TAF15: variants seen among roughly 807,000 people sequenced by gnomAD.
TAF15 encodes TATA-box binding protein associated factor 15, also known as TATA-binding protein-associated factor 2N.
A neutral mutation model predicts 102.5 loss-of-function variants in TAF15; 37 were observed. The observed-to-expected ratio is 0.36, with a 90% CI of 0.28 to 0.47. The LOEUF is 0.47. Among genes scored for constraint, TAF15 ranks in the 20% least tolerant of loss-of-function variants. TAF15 has a pLI of 0.99. For synonymous variants in TAF15, 273 were observed against 259.2 expected (o/e 1.05, Z -0.51); for missense variants, 652 against 760.7 (o/e 0.86, Z 1.68).
chr17:35,827,594 T>C (rs2087347002), intron 7 of TAF15, among the ~76,000 whole-genome samples: 1 of 151,870 alleles, frequency 6.6e-6, no homozygotes, highest in African/African-American at 2.4e-5. Flanking sequence ...TAATCCCAGC[T>C]ACTCGGGAGG....
Position 35,845,115 on chromosome 17 carries a change from A to G in TAF15, c.1739+77A>G, listed in dbSNP as rs554594790. 6 of 1,584,952 alleles carry G rather than the reference A, an allele frequency of 3.8e-6. No homozygotes were observed. The East Asian group carries it at 1.1e-4, about 30-fold the overall frequency. The stretch of plus-strand genomic sequence containing the variant: ...GGGGGATTTGAACCACATTTTAACA[A>G]TTTTTTGGAACTTGAATTTCCCATT... On this transcript the variant is annotated intron_variant, in intron 15 of 15. Transcript: ENST00000605844.
chr17:35,819,974 C>T, intron 2 of TAF15, 50 bp from the exon 3 acceptor site: 1 of 1,566,526 alleles, frequency 6.4e-7, no homozygotes, highest in Non-Finnish European at 8.8e-7. Flanking sequence ...TTCATTTAAA[C>T]TTTAAAATTT....
intron 11 of TAF15, 52 bp downstream of exon 11, chr17:35,838,605 G>C: frequency 1.2e-6 from 2 of 1,612,940 alleles, no homozygotes; most frequent in Non-Finnish European, 1.7e-6. Flanking sequence ...ATGTTTTCTA[G>C]TCTGAAAGTG....
chr17:35,818,913 ATTTT>A (rs1433139359), intron 2 of TAF15, among the ~76,000 whole-genome samples: 1 of 152,128 alleles, frequency 6.6e-6, no homozygotes, highest in Non-Finnish European at 1.5e-5. Flanking sequence ...TTCAGAGCAC[ATTTT>A]TTTAAAATAC....
chr17:35,831,136 C>T (rs1465566188), intron 7 of TAF15, among the ~76,000 whole-genome samples: 1 of 152,192 alleles, frequency 6.6e-6, no homozygotes, highest in Admixed American at 6.5e-5. Flanking sequence ...GGCGCAGTGA[C>T]TCATGCCTGT....
At position 35,809,588 on chromosome 17, in the gene TAF15, C is replaced by A. The variant is rs745585462; in HGVS notation, c.7+12C>A. On this transcript the variant is annotated intron_variant, in intron 1 of 15. Coordinates refer to ENST00000605844, the MANE Select transcript of TAF15 (RefSeq NM_139215.3). ...GTTAGTCATGTCGGGTAGGTGACTT[C>A]TTCAGCGAGCAGCGGCAGCGACGAG... is the stretch of plus-strand genomic sequence containing the variant. 1.9e-6 allele frequency: 3 copies of A among 1,613,394 alleles called. No individual in the cohort carries two copies. The highest frequency in any genetic ancestry group is 1.1e-5 in the South Asian group (1 of 91,068).
chr17:35,835,003 C>T (rs562869309), intron 9 of TAF15, among the ~76,000 whole-genome samples: 1 of 151,992 alleles, frequency 6.6e-6, no homozygotes, highest in Admixed American at 6.5e-5. Context: ...CTCAGCCTCC[C>T]ACAGTGCTGG....
Position 35,824,099 on chromosome 17 carries a change from G to A in TAF15, c.506G>A (p.Arg169Lys). The change falls in exon 7 of 16, where the codon AGG becomes AAG. Residue 169 changes from arginine to lysine, a missense_variant. Arg to Lys is a conservative substitution (Grantham distance 26). This residue lies in a region of TAF15 where 243 missense variants were observed against 284.1 expected (regional missense o/e 0.86). Coordinates refer to ENST00000605844, the MANE Select transcript of TAF15 (RefSeq NM_139215.3). The stretch of plus-strand genomic sequence containing the variant: ...GTAGATGACCGTCGTGATGTGAGTA[G>A]GTATGGAGAAGATAATAGAGGATAT... ...HTQDDRRDVS[R>K]YGEDNRGYGG... is the part of the protein sequence containing the mutation. 1.2e-6 allele frequency: 2 copies of A among 1,614,158 alleles called. No individual in the cohort carries two copies. Among genetic ancestry groups the A allele is most frequent in the Non-Finnish European group, 1.7e-6 (2 of 1,180,024 alleles).
At chr17:35,829,325 ATT>A (rs892564524) in intron 7 of TAF15, among the ~76,000 whole-genome samples, 1 of 146,020 alleles carries the variant, frequency 6.8e-6, no homozygotes, top group Admixed American at 6.8e-5. Flanking sequence ...TATTTTTATT[ATT>A]TTTTTTTTTA....
At chr17:35,838,373 TG>T (rs1291775175) in intron 10 of TAF15, 50 bp from the exon 11 acceptor site, 2 of 1,607,960 alleles carry the variant, frequency 1.2e-6, no homozygotes, top group Non-Finnish European at 1.7e-6. Context: ...AAATGATACA[TG>T]ATTACTTATT....
intron 7 of TAF15, among the ~76,000 whole-genome samples, chr17:35,826,178 C>T (rs1272581355): frequency 1.3e-5 from 2 of 151,902 alleles, no homozygotes; most frequent in Admixed American, 1.3e-4. Context: ...CCTTTAATAC[C>T]CCTTAATACA....
intron 5 of TAF15, among the ~76,000 whole-genome samples, chr17:35,821,277 A>C (rs955153471): frequency 6.6e-5 from 10 of 152,214 alleles, no homozygotes; most frequent in Non-Finnish European, 1.2e-4. Context: ...TAGAAAGTAG[A>C]GTACAAATGT....
At chr17:35,840,012 T>C (rs1195749297) in intron 11 of TAF15, among the ~76,000 whole-genome samples, 4 of 152,054 alleles carry the variant, frequency 2.6e-5, no homozygotes, top group Non-Finnish European at 5.9e-5. Context: ...ATAATAATCT[T>C]ATGAGACATA....
chr17:35,843,593 T>C (rs1439949502), intron 12 of TAF15, among the ~76,000 whole-genome samples: 1 of 152,122 alleles, frequency 6.6e-6, no homozygotes, highest in Non-Finnish European at 1.5e-5. Context: ...AGGTTAGGCA[T>C]CCTAAGTTTG....
At chr17:35,830,142 A>G (rs2087384489) in intron 7 of TAF15, 1 of 151,260 alleles carries the variant, frequency 6.6e-6, no homozygotes, top group African/African-American at 2.4e-5. Flanking sequence ...CTCTTGTCTC[A>G]GAAAAAAAAA....
rs149236169 is a variant in TAF15 at position 35,829,598 on chromosome 17, C to G, written c.606-4309C>G. 3.6e-3 allele frequency among the ~76,000 whole-genome samples: 456 copies of G among 127,392 alleles called. 5 individuals are homozygous for G. Among genetic ancestry groups the G allele is most frequent in the African/African-American group, 0.013 (432 of 32,170 alleles). The allele number at this position is 127,392 out of a possible 152,430, so 83.6% of individuals were successfully genotyped here. On this transcript the variant is annotated intron_variant, in intron 7 of 15. Transcript: ENST00000605844. ...AGTGAGCCGAGATCGTGCCACTGTA[C>G]TCTGGCCTGGGAGACAGAGCGAGAC...
Position 35,844,612 on chromosome 17 carries a change from G to A in TAF15, c.1313G>A (p.Ser438Asn). ...GGDRSSGGGYSGDRSGGGYGG... is the reference protein window; with the variant it reads ...GGDRSSGGGYNGDRSGGGYGG... ...GACAGAAGCAGCGGTGGTGGCTACAGCGGAGATAGAAGTGGGGGCGGCTAT... is the reference window on the plus strand; with the variant it reads ...GACAGAAGCAGCGGTGGTGGCTACAACGGAGATAGAAGTGGGGGCGGCTAT... The change falls in exon 15 of 16, where the codon AGC (serine) becomes AAC (asparagine). Residue 438 changes from serine to asparagine, a missense_variant. Around this residue, in one of 3 missense-constraint regions of TAF15, gnomAD observed 368 missense variants for 367.5 expected, o/e 1.00. Coordinates refer to ENST00000605844, the MANE Select transcript of TAF15 (RefSeq NM_139215.3). 1.9e-6 allele frequency: 3 copies of A among 1,598,964 alleles called. No homozygotes were observed. Among genetic ancestry groups the A allele is most frequent in the Non-Finnish European group, 2.6e-6 (3 of 1,172,352 alleles).
At chr17:35,833,841 T>G (rs575997045) in intron 7 of TAF15, 66 bp from the exon 8 acceptor site, 1 of 1,548,280 alleles carries the variant, frequency 6.5e-7, no homozygotes, top group South Asian at 1.1e-5. Flanking sequence ...AAGTGTAGAT[T>G]GAGCCCAGGG....
Position 35,844,277 on chromosome 17 carries a change from T to C in TAF15, c.1089-3T>C, listed in dbSNP as rs768843833. On this transcript the variant is annotated splice_polypyrimidine_tract_variant and splice_region_variant and intron_variant, in intron 13 of 15. Coordinates refer to ENST00000605844, the MANE Select transcript of TAF15 (RefSeq NM_139215.3). ...GGAGCATTATATTTTCCTCCTTTCT[T>C]AGGTCATGCGGAAATATGAACTTTG... 3.7e-6 allele frequency: 6 copies of C among 1,614,034 alleles called. No homozygotes were observed. The Admixed American group carries it at 6.7e-5, about 18-fold the overall frequency.
Sources: allele counts gnomAD v4.1 joint callset (sites outside exome capture counted in the v4.1 genomes callset), GRCh38; gene constraint gnomAD v4.1.1; regional missense constraint gnomAD v4.1.1; transcripts MANE v1.5; gene names NCBI Gene and HGNC (gene_info 2026-07-23, HGNC 2026-07-21).